TANC1: variants seen among roughly 807,000 people sequenced by gnomAD.
TANC1 encodes protein TANC1.
TANC1 carries 77 observed loss-of-function variants against 149.7 expected under a neutral mutation model. The observed-to-expected ratio is 0.51, with a 90% CI of 0.43 to 0.62. The LOEUF is 0.62. Ranked by LOEUF, TANC1 falls within the 20% of genes least tolerant of loss-of-function variation. The pLI is 0.00. For missense variants in TANC1, 1,985 were observed against 2,321.8 expected (o/e 0.85, Z 2.98); for synonymous variants, 854 against 925.0 (o/e 0.92, Z 1.39).
chr2:159,100,937 T>C (rs2046625555), intron 4 of TANC1, among the ~76,000 whole-genome samples: 1 of 152,200 alleles, frequency 6.6e-6, no homozygotes, highest in Admixed American at 6.5e-5. Flanking sequence ...CTCATCTATT[T>C]TAAAAGCTAG....
chr2:159,110,156 A>G (rs935329609), intron 4 of TANC1, among the ~76,000 whole-genome samples: 8 of 152,244 alleles, frequency 5.3e-5, no homozygotes, highest in African/African-American at 1.9e-4. Context: ...TTTGTTGGCA[A>G]CATGTTGCCA....
Position 159,230,551 on chromosome 2 carries a change from G to A in TANC1, c.5125G>A (p.Val1709Ile), listed in dbSNP as rs370728927. Residue 1709 changes from valine (V) to isoleucine (I), a missense_variant, in exon 27 of 27, where the codon GTT becomes ATT. Coordinates refer to ENST00000263635, the MANE Select transcript of TANC1 (RefSeq NM_033394.3). This position sits in a 1 kb window ranked among gnomAD's most constrained non-coding sequence, Gnocchi z 4.4. ...AATTAAAGACAAGGTTGTAACCCAC[G>A]TTCAGAGCGGTACAGCTGAGCACAG... ...TRIKDKVVTH[V>I]QSGTAEHRPR... The A allele has an allele frequency of 1.4e-5, 22 of 1,614,096 alleles. No homozygotes were observed. The highest frequency in any genetic ancestry group is 1.1e-4 in the African/African-American group (8 of 74,930).
intron 3 of TANC1, among the ~76,000 whole-genome samples, chr2:159,080,415 G>T (rs1286950472): frequency 6.6e-6 from 1 of 152,174 alleles, no homozygotes; most frequent in Admixed American, 6.5e-5. Flanking sequence ...CCAGGAGAAA[G>T]CCTGGCTCCA....
At chr2:159,093,145 T>C (rs2045722832) in intron 3 of TANC1, among the ~76,000 whole-genome samples, 1 of 152,208 alleles carries the variant, frequency 6.6e-6, no homozygotes, top group Admixed American at 6.5e-5. Context: ...GATAACATAG[T>C]TTTCATACCC....
intron 6 of TANC1, 65 bp from the exon 7 acceptor site, chr2:159,150,305 A>AC: frequency 7.3e-7 from 1 of 1,372,948 alleles, no homozygotes; most frequent in South Asian, 1.3e-5. Context: ...TAGCACAAAA[A>AC]CAAAAGCATG....
chr2:159,000,881 C>A (rs993237097), intron 1 of TANC1, among the ~76,000 whole-genome samples, 199 bp from the exon 2 acceptor site: 6 of 152,108 alleles, frequency 3.9e-5, no homozygotes, highest in African/African-American at 1.2e-4. Context: ...CATCACTGAC[C>A]CTGCGCTGGA....
intron 1 of TANC1, among the ~76,000 whole-genome samples, chr2:158,999,994 T>G (rs2036480230): frequency 6.6e-6 from 1 of 152,168 alleles, no homozygotes; most frequent in East Asian, 1.9e-4. Flanking sequence ...CAGGCTGGTC[T>G]CTAACTCCTG....
intron 7 of TANC1, among the ~76,000 whole-genome samples, chr2:159,153,842 G>A (rs1376412528): frequency 1.3e-5 from 2 of 152,186 alleles, no homozygotes; most frequent in African/African-American, 4.8e-5. Context: ...GGTGTAGCCT[G>A]GGAATGGCAG....
chr2:159,228,491 C>T (rs918284878), intron 25 of TANC1: 6 of 346,916 alleles, frequency 1.7e-5, no homozygotes, highest in South Asian at 4.0e-5. Flanking sequence ...GCCCTGCTGC[C>T]GGAATAGATG....
intron 1 of TANC1, among the ~76,000 whole-genome samples, chr2:158,969,047 C>T (rs2032408068): frequency 6.6e-6 from 1 of 152,214 alleles, no homozygotes; most frequent in South Asian, 2.1e-4. Context: ...CGCGGTTCCC[C>T]CGCGCCGGAC....
chr2:158,975,573 CT>C (rs70994247), intron 1 of TANC1, among the ~76,000 whole-genome samples: 130 of 145,964 alleles, frequency 8.9e-4, no homozygotes, highest in Admixed American at 9.6e-4. Flanking sequence ...ACCACAATTA[CT>C]TTTTTTTTTT....
intron 1 of TANC1, among the ~76,000 whole-genome samples, chr2:158,994,634 C>G (rs1051273843): frequency 2.0e-5 from 3 of 152,146 alleles, no homozygotes; most frequent in Non-Finnish European, 1.5e-5. Context: ...AGAATCAAAT[C>G]TAGATGTTCG....
At chr2:159,191,265 T>G (rs1404467976) in intron 16 of TANC1, among the ~76,000 whole-genome samples, 3 of 152,152 alleles carry the variant, frequency 2.0e-5, no homozygotes, top group African/African-American at 7.2e-5. Flanking sequence ...TCCCCATCCA[T>G]GGAGGGGCTC....
intron 7 of TANC1, among the ~76,000 whole-genome samples, chr2:159,156,906 A>G (rs772944440): frequency 6.6e-6 from 1 of 152,126 alleles, no homozygotes; most frequent in African/African-American, 2.4e-5. Context: ...CCATTCCTTT[A>G]GGTGTTTCCT....
chr2:159,229,840 T>A lies in TANC1; in HGVS notation c.4414T>A (p.Ser1472Thr). The A allele has an allele frequency of 6.2e-7, 1 of 1,614,048 alleles. No individual in the cohort carries two copies. The highest frequency in any genetic ancestry group is 8.5e-7 in the Non-Finnish European group (1 of 1,180,016). Residue 1472 changes from serine to threonine, a missense_variant, in exon 27 of 27, where the codon TCC (serine) becomes ACC (threonine). By Grantham distance (58) the Ser-to-Thr change is moderately conservative. This residue lies in a region of TANC1 where 920 missense variants were observed against 994.7 expected (regional missense o/e 0.92). Coordinates refer to ENST00000263635, the MANE Select transcript of TANC1 (RefSeq NM_033394.3). ...EETSPQEESV[S>T]PTPRSQPSSS... ...AACTTCTCCCCAGGAAGAATCTGTT[T>A]CCCCAACTCCCAGGTCCCAGCCATC...
intron 20 of TANC1, 69 bp downstream of exon 20, chr2:159,217,699 C>T: frequency 6.4e-7 from 1 of 1,570,484 alleles, no homozygotes; most frequent in Non-Finnish European, 8.7e-7. Flanking sequence ...GCCTGGCTCC[C>T]CTGAGAACAC....
chr2:159,041,645 G>T (rs1368952723), intron 2 of TANC1, among the ~76,000 whole-genome samples: 1 of 152,214 alleles, frequency 6.6e-6, no homozygotes, highest in Non-Finnish European at 1.5e-5. Context: ...TTGGAAAAGT[G>T]CAGTGTTAGG....
chr2:159,012,134 A>C (rs919322638), intron 2 of TANC1, among the ~76,000 whole-genome samples: 5 of 152,192 alleles, frequency 3.3e-5, no homozygotes. Context: ...CCAATCATAA[A>C]TGCTCTGTGT....
chr2:159,165,743 T>C (rs1409736353), intron 8 of TANC1, among the ~76,000 whole-genome samples: 1 of 152,252 alleles, frequency 6.6e-6, no homozygotes, highest in Non-Finnish European at 1.5e-5. Context: ...ATTTGCATGT[T>C]ATGATCCAGG....
Sources: allele counts gnomAD v4.1 joint callset (sites outside exome capture counted in the v4.1 genomes callset), GRCh38; gene constraint gnomAD v4.1.1; regional missense constraint gnomAD v4.1.1; non-coding constraint Gnocchi (gnomAD v3.1); transcripts MANE v1.5; gene names NCBI Gene and HGNC (gene_info 2026-07-23, HGNC 2026-07-21).